MAP3K5: variants seen among roughly 807,000 people sequenced by gnomAD.
MAP3K5 encodes ASK-1.
In MAP3K5, 56 loss-of-function variants were observed where a neutral mutation model predicts 158.7. The ratio of observed to expected loss-of-function variants is 0.35; its 90% CI spans 0.28 to 0.44. The LOEUF (loss-of-function observed/expected upper bound fraction) is 0.44. Among genes scored for constraint, MAP3K5 ranks in the 20% least tolerant of loss-of-function variants. The pLI, the probability that MAP3K5 is intolerant of heterozygous loss-of-function variation, is 1.00. For synonymous variants in MAP3K5, 579 were observed against 601.7 expected (o/e 0.96, Z 0.55); for missense variants, 1,294 against 1,674.8 (o/e 0.77, Z 3.97).
chr6:136,713,050 A>T (rs1781377846), intron 2 of MAP3K5, among the ~76,000 whole-genome samples: 1 of 152,206 alleles, frequency 6.6e-6, no homozygotes, highest in Non-Finnish European at 1.5e-5. Context: ...ATAGTTTCAA[A>T]GATATATTCT....
At chr6:136,643,244 C>A (rs564870064) in intron 11 of MAP3K5, among the ~76,000 whole-genome samples, 1 of 152,086 alleles carries the variant, frequency 6.6e-6, no homozygotes, top group South Asian at 2.1e-4. Context: ...GAGTTTATCA[C>A]TAAAGCTAAG....
intron 2 of MAP3K5, among the ~76,000 whole-genome samples, chr6:136,709,354 T>C (rs1045610998): frequency 6.6e-6 from 1 of 152,226 alleles, no homozygotes; most frequent in East Asian, 1.9e-4. Context: ...TTCTCTCTAA[T>C]GTGACACTAA....
At position 136,659,271 on chromosome 6, in the gene MAP3K5, T is replaced by C; in HGVS notation, c.1474A>G (p.Met492Val). 3 of 1,614,146 alleles carry C rather than the reference T, an allele frequency of 1.9e-6. No homozygotes were observed. Among genetic ancestry groups the C allele is most frequent in the Middle Eastern group, 1.6e-4 (1 of 6,062 alleles). Reference protein sequence around the residue: ...LGASVLANDHMRVIQASEKLF... With the variant: ...LGASVLANDHVRVIQASEKLF... ...TTTTCAGATGCTTGAATGACTCTCA[T>C]GTGGTCATTGGCTAGGACGCTGGCC... Residue 492 changes from methionine (M) to valine (V), a missense_variant, in exon 9 of 30, where the codon ATG becomes GTG. Physicochemically the swap from Met to Val is conservative, Grantham distance 21. Transcript: ENST00000359015.
intron 6 of MAP3K5, among the ~76,000 whole-genome samples, chr6:136,694,563 T>C (rs1198335589): frequency 6.6e-6 from 1 of 152,208 alleles, no homozygotes; most frequent in African/African-American, 2.4e-5. Flanking sequence ...GATTTGTACT[T>C]ACTCATCCAC....
chr6:136,631,744 T>C (rs1777366724), intron 14 of MAP3K5, among the ~76,000 whole-genome samples: 1 of 152,146 alleles, frequency 6.6e-6, no homozygotes, highest in Non-Finnish European at 1.5e-5. Flanking sequence ...TTAAAACAAC[T>C]CTGATTTTGT....
intron 2 of MAP3K5, among the ~76,000 whole-genome samples, chr6:136,715,831 T>G (rs57598086): frequency 0.5 from 76,046 of 151,112 alleles, 19,302 homozygotes; most frequent in African/African-American, 0.56. Context: ...AGGAGTTTGA[T>G]ATCAGCCTGG....
In MAP3K5 at chr6:136,704,647, G is replaced by T. The variant is rs534449491; in HGVS notation, c.612+463C>A. Among the ~76,000 whole-genome samples the T allele has an allele frequency of 3.3e-5, 5 of 152,290 alleles. No individual in the cohort carries two copies. In the East Asian group the frequency reaches 9.6e-4, roughly 29 times the overall value. ...TGCAACCTCCGCCTCCCGGGTTCAA[G>T]CGATTCTCCTGCCTCAGCCTCCTGA... On this transcript the variant is annotated intron_variant, in intron 3 of 29. Transcript: ENST00000359015.
At chr6:136,784,143 T>A (rs560164080) in intron 1 of MAP3K5, among the ~76,000 whole-genome samples, 48 of 152,240 alleles carry the variant, frequency 3.2e-4, no homozygotes, top group African/African-American at 1.1e-3. Context: ...CACCCAGAGA[T>A]GGAACCAGCT....
At chr6:136,744,514 T>C (rs1473104629) in intron 1 of MAP3K5, among the ~76,000 whole-genome samples, 1 of 152,140 alleles carries the variant, frequency 6.6e-6, no homozygotes, top group South Asian at 2.1e-4. Flanking sequence ...ATCTTGAGAT[T>C]GTGCTGGAAG....
intron 25 of MAP3K5, among the ~76,000 whole-genome samples, chr6:136,576,248 C>G (rs1041104532): frequency 4.1e-4 from 62 of 152,124 alleles, no homozygotes; most frequent in African/African-American, 1.5e-3. Context: ...CTCTAGTGTC[C>G]TTTCAATAAA....
chr6:136,624,188 C>T (rs141243496), intron 14 of MAP3K5, among the ~76,000 whole-genome samples: 1 of 151,832 alleles, frequency 6.6e-6, no homozygotes, highest in African/African-American at 2.4e-5. Flanking sequence ...AGCAAGACTC[C>T]ATCTCAAAGA....
intron 7 of MAP3K5, among the ~76,000 whole-genome samples, chr6:136,681,340 T>A (rs1779923657): frequency 6.6e-6 from 1 of 152,160 alleles, no homozygotes; most frequent in Admixed American, 6.6e-5. Flanking sequence ...ACATAGTAAA[T>A]ACTCTTATTC....
intron 14 of MAP3K5, 63 bp downstream of exon 14, chr6:136,637,262 T>C: frequency 7.2e-7 from 1 of 1,385,150 alleles, no homozygotes; most frequent in South Asian, 1.2e-5. Flanking sequence ...CCTGCCTCAG[T>C]AAGGCTTCAA....
At chr6:136,653,564 A>T (rs1251998764) in intron 10 of MAP3K5, among the ~76,000 whole-genome samples, 9 of 152,158 alleles carry the variant, frequency 5.9e-5, no homozygotes, top group Admixed American at 2.6e-4. Flanking sequence ...TATGAGGGAG[A>T]GCACGGGTGG....
At chr6:136,623,653 T>C (rs965264974) in intron 14 of MAP3K5, among the ~76,000 whole-genome samples, 2 of 152,284 alleles carry the variant, frequency 1.3e-5, no homozygotes, top group Non-Finnish European at 2.9e-5. Context: ...AAGGATTCAG[T>C]AGAGACCTCC....
chr6:136,779,513 T>C (rs1437079201), intron 1 of MAP3K5, among the ~76,000 whole-genome samples: 2 of 151,424 alleles, frequency 1.3e-5, no homozygotes, highest in Non-Finnish European at 2.9e-5. Flanking sequence ...CACATACACC[T>C]AGTACACAGT....
rs770353019 is a variant in MAP3K5, at chr6:136,609,719, G to A, written c.2521+1563C>T. ...TGAGGTAGGAGAATCACTTGAGCCC[G>A]GGGTAGGGGAGGTCACAGTGAGCAG... On this transcript the variant is annotated intron_variant, in intron 18 of 29. Transcript: ENST00000359015. This position sits in a 1 kb window ranked among gnomAD's most constrained non-coding sequence, Gnocchi z 4.4. 1.3e-5 allele frequency among the ~76,000 whole-genome samples: 2 copies of A among 151,676 alleles called. No homozygotes were observed. Among genetic ancestry groups the A allele is most frequent in the South Asian group, 2.1e-4 (1 of 4,806 alleles).
chr6:136,590,364 T>C (rs1225247332), intron 23 of MAP3K5, among the ~76,000 whole-genome samples: 1 of 152,208 alleles, frequency 6.6e-6, no homozygotes, highest in Non-Finnish European at 1.5e-5. Context: ...ATAGGTTCAC[T>C]GACAAGCTTT....
chr6:136,749,190 T>G (rs1783085708), intron 1 of MAP3K5, among the ~76,000 whole-genome samples: 1 of 151,978 alleles, frequency 6.6e-6, no homozygotes, highest in Non-Finnish European at 1.5e-5. Context: ...CTGGCCAACA[T>G]GGTGAAACCC....
Sources: allele counts gnomAD v4.1 joint callset (sites outside exome capture counted in the v4.1 genomes callset), GRCh38; gene constraint gnomAD v4.1.1; non-coding constraint Gnocchi (gnomAD v3.1); transcripts MANE v1.5; gene names NCBI Gene and HGNC (gene_info 2026-07-23, HGNC 2026-07-21).